GRID2: variants seen among roughly 807,000 people sequenced by gnomAD.
GRID2 encodes glutamate ionotropic receptor delta type subunit 2, also known as glutamate receptor ionotropic, delta-2.
In GRID2, 33 loss-of-function variants were observed where a neutral mutation model predicts 114.8. The ratio of observed to expected loss-of-function variants is 0.29; its 90% confidence interval spans 0.22 to 0.38. The LOEUF (loss-of-function observed/expected upper bound fraction) is 0.38. GRID2 is among the 10% of genes least tolerant of loss of function. GRID2 has a pLI of 1.00. For synonymous variants in GRID2, 505 were observed against 449.9 expected (o/e 1.12, Z -1.55); for missense variants, 1,184 against 1,257.7 (o/e 0.94, Z 0.89).
chr4:92,393,291 A>C (rs550809774), intron 1 of GRID2, among the ~76,000 whole-genome samples: 1 of 152,316 alleles, frequency 6.6e-6, no homozygotes, highest in East Asian at 1.9e-4. Context: ...GGGTGGGGAC[A>C]AATATTCAAG....
intron 4 of GRID2, among the ~76,000 whole-genome samples, chr4:93,188,431 A>G (rs1483260250): frequency 6.6e-6 from 1 of 152,136 alleles, no homozygotes; most frequent in Non-Finnish European, 1.5e-5. Flanking sequence ...CAGAGACTTA[A>G]AATTTTTCTG....
intron 2 of GRID2, among the ~76,000 whole-genome samples, chr4:92,775,229 TC>T: frequency 6.6e-6 from 1 of 152,316 alleles, no homozygotes; most frequent in Middle Eastern, 3.4e-3. Flanking sequence ...GAAGTTTGAT[TC>T]AGTACCCTGG....
chr4:93,658,932 G>A (rs892480889), intron 14 of GRID2, among the ~76,000 whole-genome samples: 1 of 152,140 alleles, frequency 6.6e-6, no homozygotes, highest in Non-Finnish European at 1.5e-5. Context: ...AGCAGAGCAT[G>A]GCTCAGAGGA....
At chr4:92,844,319 A>T (rs576286463) in intron 2 of GRID2, among the ~76,000 whole-genome samples, 10 of 152,100 alleles carry the variant, frequency 6.6e-5, no homozygotes, top group African/African-American at 2.4e-4. Context: ...CGGGTGGATT[A>T]TTGGAGGTCA....
At chr4:92,735,193 G>A (rs75293362) in intron 2 of GRID2, among the ~76,000 whole-genome samples, 1,776 of 151,976 alleles carry the variant, frequency 0.012, 26 homozygotes, top group African/African-American at 0.041. Flanking sequence ...ATGTTCCATG[G>A]AATAATACAG....
In GRID2 at chr4:92,867,292, A is replaced by G. The variant is rs544890069; in HGVS notation, c.245-217703A>G. Among the ~76,000 whole-genome samples the G allele has an allele frequency of 8.5e-5, 13 of 152,296 alleles. No individual in the cohort carries two copies. The East Asian group carries it at 2.3e-3, about 27-fold the overall frequency. ...AGTTTATTAGCACAAAGTCACTGAA[A>G]AAAAGTGCTATTGATTCTCCTTACT... On this transcript the variant is annotated intron_variant, in intron 2 of 15. Coordinates refer to ENST00000282020, the MANE Select transcript of GRID2 (RefSeq NM_001510.4).
At chr4:92,818,070 T>A (rs1240811365) in intron 2 of GRID2, among the ~76,000 whole-genome samples, 1 of 152,174 alleles carries the variant, frequency 6.6e-6, no homozygotes, top group African/African-American at 2.4e-5. Flanking sequence ...ATATTGATGA[T>A]CATGTTGTCT....
intron 4 of GRID2, among the ~76,000 whole-genome samples, chr4:93,148,585 A>C (rs1331270144): frequency 6.6e-6 from 1 of 152,182 alleles, no homozygotes; most frequent in Non-Finnish European, 1.5e-5. Flanking sequence ...TATTTATTGA[A>C]GCATGACTTA....
At chr4:92,673,469 C>G (rs1402636166) in intron 2 of GRID2, among the ~76,000 whole-genome samples, 1 of 152,150 alleles carries the variant, frequency 6.6e-6, no homozygotes, top group East Asian at 1.9e-4. Context: ...ATCAACCATG[C>G]TCCTTCATGA....
At chr4:92,618,525 T>G (rs923849939) in intron 2 of GRID2, among the ~76,000 whole-genome samples, 2 of 151,760 alleles carry the variant, frequency 1.3e-5, no homozygotes, top group Non-Finnish European at 2.9e-5. Flanking sequence ...GTTTAGAGAT[T>G]TTTTTCCAAT....
intron 8 of GRID2, among the ~76,000 whole-genome samples, chr4:93,348,220 T>A (rs1329663638): frequency 6.6e-6 from 1 of 152,186 alleles, no homozygotes; most frequent in African/African-American, 2.4e-5. Flanking sequence ...AGTTATTTTA[T>A]ATAACACAAG....
chr4:92,881,733 T>C (rs1746033617), intron 2 of GRID2, among the ~76,000 whole-genome samples: 2 of 152,120 alleles, frequency 1.3e-5, no homozygotes, highest in Non-Finnish European at 2.9e-5. Flanking sequence ...AAATAGGAAA[T>C]GAATGTTGAG....
rs190377520 is a variant in GRID2 at position 93,763,215 on chromosome 4, A to T, written c.2361-5995A>T. Among the ~76,000 whole-genome samples, 203 of 152,246 alleles carry T rather than the reference A, an allele frequency of 1.3e-3. 1 individual carries two copies. Among genetic ancestry groups the T allele is most frequent in the African/African-American group, 4.7e-3 (197 of 41,554 alleles). On this transcript the variant is annotated intron_variant, in intron 14 of 15. Coordinates refer to ENST00000282020, the MANE Select transcript of GRID2 (RefSeq NM_001510.4). ...GCTGTCCTCCATAAATCCTGATACC[A>T]TTTTGAAAAAGAGTAAGGGAAAAGA...
intron 8 of GRID2, among the ~76,000 whole-genome samples, chr4:93,328,980 G>C (rs911709409): frequency 6.6e-6 from 1 of 152,088 alleles, no homozygotes; most frequent in African/African-American, 2.4e-5. Context: ...TCTTGCTGCA[G>C]TTTTAGTACC....
chr4:92,402,327 A>T (rs1730824819), intron 1 of GRID2, among the ~76,000 whole-genome samples: 2 of 152,302 alleles, frequency 1.3e-5, no homozygotes, highest in Admixed American at 6.5e-5. Flanking sequence ...TTTTATTGGT[A>T]TCTAGAGTGG....
intron 2 of GRID2, among the ~76,000 whole-genome samples, chr4:92,909,225 C>G (rs181612023): frequency 6.6e-6 from 1 of 150,620 alleles, no homozygotes; most frequent in Non-Finnish European, 1.5e-5. Flanking sequence ...TCTACACTAT[C>G]ATAGAACTGT....
intron 12 of GRID2, among the ~76,000 whole-genome samples, chr4:93,504,840 G>A (rs1728472998): frequency 6.6e-6 from 1 of 151,936 alleles, no homozygotes; most frequent in Non-Finnish European, 1.5e-5. Context: ...AAAAATGGAA[G>A]TAATATATCT....
downstream of GRID2, among the ~76,000 whole-genome samples, chr4:93,777,265 T>G (rs542885194): frequency 6.6e-6 from 1 of 152,382 alleles, no homozygotes; most frequent in Non-Finnish European, 1.5e-5. Context: ...GAACTTGCTC[T>G]CATTTCTTCA....
intron 12 of GRID2, among the ~76,000 whole-genome samples, chr4:93,512,549 A>C (rs756554042): frequency 4.6e-5 from 7 of 152,194 alleles, no homozygotes; most frequent in Non-Finnish European, 1.0e-4. Flanking sequence ...AACATGCTGA[A>C]TCAGAAAACC....
Sources: gnomAD v4.1 joint callset for allele counts (sites outside exome capture counted in the v4.1 genomes callset) on GRCh38, gnomAD v4.1.1 for gene constraint, MANE v1.5 for transcripts, NCBI Gene and HGNC (gene_info 2026-07-23, HGNC 2026-07-21) for gene names.